ARSK: variants seen among roughly 807,000 people sequenced by gnomAD.
ARSK encodes the protein arylsulfatase K.
ARSK carries 37 observed loss-of-function variants against 53.2 expected under a neutral mutation model. The ratio of observed to expected loss-of-function variants is 0.70; its 90% CI spans 0.54 to 0.92. The LOEUF is 0.92. ARSK is among the 40% of genes least tolerant of loss of function. ARSK has a pLI of 0.00. For missense variants in ARSK, 613 were observed against 643.0 expected (o/e 0.95, Z 0.51); for synonymous variants, 208 against 223.2 (o/e 0.93, Z 0.61).
intron 4 of ARSK, among the ~76,000 whole-genome samples, chr5:95,584,924 C>T (rs150957483): frequency 0.06 from 9,081 of 152,126 alleles, 329 homozygotes; most frequent in East Asian, 0.11. Context: ...GCTGGAGAAT[C>T]GCTTGAACCT....
At chr5:95,603,210 G>A in intron 7 of ARSK, 27 bp from the exon 8 acceptor site, 1 of 1,508,534 alleles carries the variant, frequency 6.6e-7, no homozygotes, top group Non-Finnish European at 8.8e-7. Flanking sequence ...TCACTATTTT[G>A]ACAGATACTT....
chr5:95,592,998 G>GT (rs975142431), intron 6 of ARSK, among the ~76,000 whole-genome samples: 4 of 151,362 alleles, frequency 2.6e-5, no homozygotes, highest in South Asian at 2.1e-4. Context: ...TCATTTCTGT[G>GT]TTTTTTTTAA....
chr5:95,565,695 G>T (rs1379914140), intron 1 of ARSK, among the ~76,000 whole-genome samples: 1 of 152,104 alleles, frequency 6.6e-6, no homozygotes, highest in Admixed American at 6.6e-5. Context: ...CTCAGATTTT[G>T]CAGTGTCTGG....
Position 95,600,942 on chromosome 5 carries a change from C to T in ARSK, c.1192C>T (p.Leu398=). 6.2e-7 allele frequency: 1 copy of T among 1,614,078 alleles called. No homozygotes were observed. The highest frequency in any genetic ancestry group is 8.5e-7 in the Non-Finnish European group (1 of 1,179,956). The change falls in exon 7 of 8, where the codon CTG becomes TTG. Residue 398 remains leucine, a synonymous_variant. Coordinates refer to ENST00000380009, the MANE Select transcript of ARSK (RefSeq NM_198150.3). ...TAAGAATGAACATAAAGTCAAAAAC[C>T]TGCATCCACCCTGGATTCTGAGTGA... ...TFKNEHKVKN[L]HPPWILSEFH...
chr5:95,587,861 G>C (rs748650345), intron 5 of ARSK, among the ~76,000 whole-genome samples: 1 of 149,780 alleles, frequency 6.7e-6, no homozygotes, highest in Non-Finnish European at 1.5e-5. Context: ...AGTGGAGATC[G>C]TGCCACTGCA....
At position 95,555,379 on chromosome 5, in the gene ARSK, T is replaced by G; in HGVS notation, c.101T>G (p.Val34Gly). The change falls in exon 1 of 8, where the codon GTG becomes GGG. Residue 34 changes from valine to glycine, a missense_variant. Physicochemically the swap from Val to Gly is moderately radical, Grantham distance 109. Transcript: ENST00000380009. The surrounding 1 kb of genome is among the most constrained non-coding windows in gnomAD (Gnocchi z 4.0). ...CGGAGAGCAGCCAAAGCGCCCAATGTGGTGCTGGTCGTGAGCGACTCCTTC... is the reference window on the plus strand; with the variant it reads ...CGGAGAGCAGCCAAAGCGCCCAATGGGGTGCTGGTCGTGAGCGACTCCTTC... ...QRRRAAKAPN[V>G]VLVVSDSFDG... 6.8e-6 allele frequency: 11 copies of G among 1,610,238 alleles called. No individual in the cohort carries two copies. Among genetic ancestry groups the G allele is most frequent in the Non-Finnish European group, 9.3e-6 (11 of 1,178,780 alleles).
chr5:95,569,410 A>G (rs1015267866), intron 3 of ARSK, among the ~76,000 whole-genome samples: 15 of 152,234 alleles, frequency 9.9e-5, no homozygotes, highest in African/African-American at 3.6e-4. Context: ...CTTATTGGAA[A>G]ATAGACCTTA....
At chr5:95,601,266 G>T (rs549911477) in intron 7 of ARSK, among the ~76,000 whole-genome samples, 195 bp downstream of exon 7, 1 of 152,286 alleles carries the variant, frequency 6.6e-6, no homozygotes, top group East Asian at 1.9e-4. Context: ...CAGAGAAAGT[G>T]TCCTAAGGCT....
chr5:95,594,885 C>T (rs554809313), intron 6 of ARSK, among the ~76,000 whole-genome samples: 2 of 151,896 alleles, frequency 1.3e-5, no homozygotes, highest in Admixed American at 1.3e-4. Flanking sequence ...TCATATACTG[C>T]TACTGGGAAT....
chr5:95,561,862 C>T (rs1337101769), intron 1 of ARSK, among the ~76,000 whole-genome samples: 3 of 152,164 alleles, frequency 2.0e-5, no homozygotes, highest in Non-Finnish European at 4.4e-5. Context: ...GAATTGTACA[C>T]TTTAAATGGA....
Position 95,600,948 on chromosome 5 carries a change from C to A in ARSK, c.1198C>A (p.Pro400Thr), listed in dbSNP as rs868698456. The A allele has an allele frequency of 1.2e-6, 2 of 1,613,950 alleles. No individual in the cohort carries two copies. Among genetic ancestry groups the A allele is most frequent in the African/African-American group, 2.7e-5 (2 of 74,932 alleles). Residue 400 changes from proline (P) to threonine (T), a missense_variant, in exon 7 of 8, where the codon CCA becomes ACA. Pro to Thr is a conservative substitution (Grantham distance 38, BLOSUM62 -1). Transcript: ENST00000380009. ...KNEHKVKNLH[P>T]PWILSEFHGC... ...TGAACATAAAGTCAAAAACCTGCAT[C>A]CACCCTGGATTCTGAGTGAATTCCA... is the stretch of plus-strand genomic sequence containing the variant.
At chr5:95,572,537 G>A (rs991160299) in intron 3 of ARSK, among the ~76,000 whole-genome samples, 4 of 152,226 alleles carry the variant, frequency 2.6e-5, no homozygotes, top group South Asian at 2.1e-4. Context: ...CCAGCACTTT[G>A]GGAGGCCGAG....
chr5:95,589,394 A>T (rs1749175426), intron 5 of ARSK, among the ~76,000 whole-genome samples: 1 of 152,182 alleles, frequency 6.6e-6, no homozygotes, highest in Non-Finnish European at 1.5e-5. Context: ...TCACCTAGGT[A>T]TTAAGCCCAG....
rs530911054 is a variant in ARSK, at chr5:95,574,166, A to G, written c.416+6117A>G. Among the ~76,000 whole-genome samples, 128 of 152,296 alleles carry G rather than the reference A, an allele frequency of 8.4e-4. 1 individual carries two copies. Among genetic ancestry groups the G allele is most frequent in the Non-Finnish European group, 1.7e-3 (116 of 68,022 alleles). On this transcript the variant is annotated intron_variant, in intron 3 of 7. Transcript: ENST00000380009. The stretch of plus-strand genomic sequence containing the variant: ...CTCCAGTTCCATCCATGTTGTTGCA[A>G]ATTACTGGATCTCATTCTTTTTTAT...
chr5:95,576,179 A>G (rs1748920720), intron 3 of ARSK, among the ~76,000 whole-genome samples: 1 of 147,096 alleles, frequency 6.8e-6, no homozygotes, highest in Admixed American at 6.7e-5. Flanking sequence ...TGTTGATATG[A>G]TGTCTCACGT....
chr5:95,604,578 A>T lies in ARSK; in HGVS notation c.*1052A>T, dbSNP rs1481641565. ...CTTAACAGTAGATATCTAGAGGTGA[A>T]ATTACTGAGTCAAGACTATATTTAG... is the stretch of plus-strand genomic sequence containing the variant. On this transcript the variant is annotated 3_prime_UTR_variant, in exon 8 of 8. Coordinates refer to ENST00000380009, the MANE Select transcript of ARSK (RefSeq NM_198150.3). The T allele has an allele frequency of 6.6e-6, 1 of 152,048 alleles. No homozygotes were observed. The highest frequency in any genetic ancestry group is 1.5e-5 in the Non-Finnish European group (1 of 68,012). The allele number at this position is 152,048 out of a possible 1,614,324, so 9.4% of individuals were successfully genotyped here.
chr5:95,581,757 G>A (rs1317303523), intron 3 of ARSK, among the ~76,000 whole-genome samples: 1 of 149,288 alleles, frequency 6.7e-6, no homozygotes, highest in African/African-American at 2.5e-5. Context: ...TAAGCAAAAT[G>A]AGACGCCAGT....
chr5:95,568,790 A>AGAATTTGT (rs1210099713), intron 3 of ARSK, among the ~76,000 whole-genome samples: 1 of 152,050 alleles, frequency 6.6e-6, no homozygotes, highest in Non-Finnish European at 1.5e-5. Context: ...GTGTGCCTGG[A>AGAATTTGT]GCATTTGTGC....
intron 4 of ARSK, 131 bp from the exon 5 acceptor site, chr5:95,586,431 T>C (rs1749113869): frequency 1.4e-6 from 1 of 699,170 alleles, no homozygotes; most frequent in South Asian, 1.9e-5. Context: ...GCTATTTTAT[T>C]TACATATTTA....
Sources: allele counts gnomAD v4.1 joint callset (sites outside exome capture counted in the v4.1 genomes callset), GRCh38; gene constraint gnomAD v4.1.1; non-coding constraint Gnocchi (gnomAD v3.1); transcripts MANE v1.5; gene names NCBI Gene and HGNC (gene_info 2026-07-23, HGNC 2026-07-21).